STAP1: variants seen among roughly 807,000 people sequenced by gnomAD.
STAP1 encodes signal-transducing adaptor protein 1.
In STAP1, 30 loss-of-function variants were observed where a neutral mutation model predicts 37.8. That is an observed-to-expected ratio of 0.79 (90% CI 0.59 to 1.08). The LOEUF is 1.08. Ranked by LOEUF, STAP1 falls within the 50% of genes least tolerant of loss-of-function variation. The pLI is 0.00. For synonymous variants in STAP1, 130 were observed against 116.0 expected (o/e 1.12, Z -0.78); for missense variants, 357 against 349.4 (o/e 1.02, Z -0.17).
At chr4:67,570,969 TA>T in intron 1 of STAP1, 114 bp from the exon 2 acceptor site, 1 of 839,992 alleles carries the variant, frequency 1.2e-6, no homozygotes, top group Non-Finnish European at 2.0e-6. Context: ...TTATCCAGGA[TA>T]AAGAAGACTT....
chr4:67,583,808 A>G (rs1727920956), intron 6 of STAP1, 106 bp downstream of exon 6: 4 of 1,379,854 alleles, frequency 2.9e-6, no homozygotes, highest in Non-Finnish European at 3.9e-6. Flanking sequence ...TGAAAATATG[A>G]ACACAAGTGG....
Position 67,558,808 on chromosome 4 carries a change from G to T in STAP1, c.-2G>T, listed in dbSNP as rs1389034479. ...ACCAAACCACACACCAAAGAGAGGG[G>T]TATGATGGCTAAGAAGCCCCCAAAA... On this transcript the variant is annotated 5_prime_UTR_variant, in exon 1 of 9. Coordinates refer to ENST00000265404, the MANE Select transcript of STAP1 (RefSeq NM_012108.4). 4 of 1,612,612 alleles carry T rather than the reference G, an allele frequency of 2.5e-6. No individual in the cohort carries two copies. The highest frequency in any genetic ancestry group is 2.7e-5 in the African/African-American group (2 of 74,818).
In STAP1 at chr4:67,606,965, G is replaced by T. The variant is rs1020794678; in HGVS notation, c.*608G>T. ...TATTTCCTTACAAAGATGGTGAAAG[G>T]CTGTATCATCATCTTGTCGTAAGTA... On this transcript the variant is annotated 3_prime_UTR_variant, in exon 9 of 9. Transcript: ENST00000265404. 6.6e-6 allele frequency: 1 copy of T among 152,186 alleles called. No individual in the cohort carries two copies. Among genetic ancestry groups the T allele is most frequent in the East Asian group, 1.9e-4 (1 of 5,180 alleles). 9.4% of individuals were successfully genotyped at this position (152,186 alleles called of 1,614,324 possible).
chr4:67,599,992 T>C (rs1488337856), intron 8 of STAP1, among the ~76,000 whole-genome samples: 1 of 152,182 alleles, frequency 6.6e-6, no homozygotes, highest in African/African-American at 2.4e-5. Context: ...TTTTTTTAAA[T>C]TTAAATTTCA....
chr4:67,575,436 T>C lies in STAP1; in HGVS notation c.244T>C (p.Ser82Pro). ...CCTCACATGCCTTACTGAGCAGAAT[T>C]CAACTGAAAAGAACTGTGCGAAATT... ...VDLTCLTEQN[S>P]TEKNCAKFTL... Residue 82 changes from serine to proline, a missense_variant, in exon 3 of 9, where the codon TCA (serine) becomes CCA (proline). By Grantham distance (74) the Ser-to-Pro change is moderately conservative. Transcript: ENST00000265404. 1 of 1,605,524 alleles carries C rather than the reference T, an allele frequency of 6.2e-7. No individual in the cohort carries two copies.
At chr4:67,571,520 AATT>A (rs1228366039) in intron 2 of STAP1, among the ~76,000 whole-genome samples, 7 of 152,188 alleles carry the variant, frequency 4.6e-5, no homozygotes, top group Non-Finnish European at 1.0e-4. Flanking sequence ...ATGCAGTTAT[AATT>A]GGAAAGGAAC....
chr4:67,587,446 A>G (rs2067869), intron 6 of STAP1, among the ~76,000 whole-genome samples: 39,369 of 152,144 alleles, frequency 0.26, 5,576 homozygotes, highest in Non-Finnish European at 0.33. Context: ...TCTTGTCTCA[A>G]TGTAGACTAT....
chr4:67,560,746 G>T (rs561108342), intron 1 of STAP1, among the ~76,000 whole-genome samples: 14 of 151,712 alleles, frequency 9.2e-5, no homozygotes, highest in African/African-American at 3.4e-4. Context: ...TGACATCCCC[G>T]GCTCCGGTGA....
intron 8 of STAP1, among the ~76,000 whole-genome samples, chr4:67,600,003 T>C (rs565589110): frequency 2.6e-5 from 4 of 152,292 alleles, no homozygotes; most frequent in South Asian, 2.1e-4. Flanking sequence ...TTAAATTTCA[T>C]TTATTTCTGC....
At chr4:67,588,753 T>C (rs752062660) in intron 6 of STAP1, among the ~76,000 whole-genome samples, 36 of 152,176 alleles carry the variant, frequency 2.4e-4, no homozygotes, top group Non-Finnish European at 2.9e-4. Context: ...GTTCTCCTTA[T>C]AGGTTACCAT....
chr4:67,583,137 G>C (rs1461403192), intron 5 of STAP1, among the ~76,000 whole-genome samples: 1 of 152,126 alleles, frequency 6.6e-6, no homozygotes, highest in Non-Finnish European at 1.5e-5. Flanking sequence ...ATAAATGAGT[G>C]CAAACATATT....
intron 1 of STAP1, among the ~76,000 whole-genome samples, chr4:67,566,239 C>T (rs996590185): frequency 8.6e-5 from 13 of 151,946 alleles, no homozygotes; most frequent in East Asian, 1.9e-4. Flanking sequence ...TGAGCCACCG[C>T]GCCTGGCCCT....
At chr4:67,601,693 T>C (rs1264995542) in intron 8 of STAP1, among the ~76,000 whole-genome samples, 1 of 152,208 alleles carries the variant, frequency 6.6e-6, no homozygotes, top group Non-Finnish European at 1.5e-5. Flanking sequence ...CTGTAAGGTT[T>C]CCACTGAGAA....
At chr4:67,586,504 G>C (rs1466713424) in intron 6 of STAP1, among the ~76,000 whole-genome samples, 1 of 152,112 alleles carries the variant, frequency 6.6e-6, no homozygotes, top group African/African-American at 2.4e-5. Context: ...TTGCACAATA[G>C]CAGCCTGATC....
chr4:67,561,236 G>A (rs1341422978), intron 1 of STAP1, among the ~76,000 whole-genome samples: 2 of 152,150 alleles, frequency 1.3e-5, no homozygotes, highest in Non-Finnish European at 2.9e-5. Flanking sequence ...AAAATAAGTG[G>A]AATTTCCAAG....
At chr4:67,566,997 A>G (rs1017106650) in intron 1 of STAP1, among the ~76,000 whole-genome samples, 1 of 152,116 alleles carries the variant, frequency 6.6e-6, no homozygotes, top group Non-Finnish European at 1.5e-5. Flanking sequence ...AAATAAAAAT[A>G]GAGTAGATTA....
chr4:67,581,161 C>T, intron 4 of STAP1, 144 bp from the exon 5 acceptor site: 1 of 718,338 alleles, frequency 1.4e-6, no homozygotes, highest in Non-Finnish European at 2.1e-6. Context: ...GACTAAAATC[C>T]TCTGTTTCTT....
chr4:67,587,036 G>A (rs1728000287), intron 6 of STAP1, among the ~76,000 whole-genome samples: 1 of 152,182 alleles, frequency 6.6e-6, no homozygotes, highest in Admixed American at 6.5e-5. Context: ...TTTGTTAAAT[G>A]TATTCTCTAA....
chr4:67,589,041 A>G (rs896473684), intron 6 of STAP1, among the ~76,000 whole-genome samples: 3 of 152,228 alleles, frequency 2.0e-5, no homozygotes, highest in Non-Finnish European at 4.4e-5. Flanking sequence ...ATGGAGGTTC[A>G]GAGAACCCAC....
Sources: allele counts gnomAD v4.1 joint callset (sites outside exome capture counted in the v4.1 genomes callset), GRCh38; gene constraint gnomAD v4.1.1; transcripts MANE v1.5; gene names NCBI Gene and HGNC (gene_info 2026-07-23, HGNC 2026-07-21).